The following TAF2 variants were observed in gnomAD, a reference collection of about 807,000 sequenced individuals.
The protein encoded by TAF2 is transcription initiation factor TFIID subunit 2.
Under a neutral mutation model 138.5 loss-of-function variants are expected in TAF2, and 61 were observed. The ratio of observed to expected loss-of-function variants is 0.44; its 90% CI spans 0.36 to 0.54. TAF2 has a LOEUF of 0.54. Ranked by LOEUF, TAF2 falls within the 20% of genes least tolerant of loss-of-function variation. The pLI is 0.00. For synonymous variants in TAF2, 475 were observed against 469.9 expected (o/e 1.01, Z -0.14); for missense variants, 1,090 against 1,427.9 (o/e 0.76, Z 3.81).
At chr8:119,808,096 T>C (rs894257363) in intron 3 of TAF2, among the ~76,000 whole-genome samples, 6 of 152,314 alleles carry the variant, frequency 3.9e-5, no homozygotes, top group Admixed American at 1.3e-4. Flanking sequence ...AGGAAGGATA[T>C]AATATAACTA....
intron 10 of TAF2, among the ~76,000 whole-genome samples, chr8:119,792,193 C>T (rs561545565): frequency 2.8e-5 from 4 of 144,606 alleles, no homozygotes; most frequent in East Asian, 2.0e-4. Context: ...TCGCTCTTAT[C>T]CCCAGGCTGG....
intron 6 of TAF2, among the ~76,000 whole-genome samples, chr8:119,799,240 T>C (rs1411980856): frequency 2.0e-5 from 3 of 152,172 alleles, no homozygotes; most frequent in South Asian, 2.1e-4. Flanking sequence ...ATGTGCCATG[T>C]TGGTGTGCTG....
chr8:119,790,961 T>C (rs1293617588), intron 11 of TAF2, among the ~76,000 whole-genome samples: 1 of 147,366 alleles, frequency 6.8e-6, no homozygotes, highest in South Asian at 2.1e-4. Flanking sequence ...TATGCCTGAC[T>C]TAGTAATAAA....
At chr8:119,827,546 C>A (rs753835994) in intron 2 of TAF2, among the ~76,000 whole-genome samples, 20 of 152,190 alleles carry the variant, frequency 1.3e-4, no homozygotes, top group Non-Finnish European at 1.8e-4. Context: ...TGTACCCTAT[C>A]TTACAGAAGT....
Position 119,793,446 on chromosome 8 carries a change from T to C in TAF2, c.1197A>G (p.Leu399=), listed in dbSNP as rs1470358593. The part of the protein sequence containing the change: ...NEYRHWIKEE[L]DKIVAYELKT... Reference sequence around the variant, plus strand: ...TTAGTTCATATGCCACTATTTTGTCTAGCTCCTAAAAAATATATAAAAATA... The same window carrying C: ...TTAGTTCATATGCCACTATTTTGTCCAGCTCCTAAAAAATATATAAAAATA... The change falls in exon 10 of 26, where the codon CTA becomes CTG. Residue 399 remains leucine (L), a synonymous_variant. Coordinates refer to ENST00000378164, the MANE Select transcript of TAF2 (RefSeq NM_003184.4). 2 of 1,611,306 alleles carry C rather than the reference T, an allele frequency of 1.2e-6. No homozygotes were observed. The highest frequency in any genetic ancestry group is 4.5e-5 in the East Asian group (2 of 44,682).
At chr8:119,813,367 T>C (rs755922591) in intron 3 of TAF2, among the ~76,000 whole-genome samples, 4 of 152,220 alleles carry the variant, frequency 2.6e-5, no homozygotes, top group Non-Finnish European at 4.4e-5. Context: ...AGAATCCTTA[T>C]GGGTGTTAGG....
intron 22 of TAF2, among the ~76,000 whole-genome samples, chr8:119,751,689 G>GA (rs957349799): frequency 2.6e-5 from 4 of 151,774 alleles, no homozygotes; most frequent in African/African-American, 7.2e-5. Context: ...AAGTGCTCAA[G>GA]AAAAAAACAG....
intron 3 of TAF2, among the ~76,000 whole-genome samples, chr8:119,811,805 CAAA>C (rs771523182): frequency 1.7e-5 from 1 of 60,328 alleles, no homozygotes. Flanking sequence ...GACTCCGTCT[CAAA>C]AAAAAAAAAA....
rs1445939189 is a variant in TAF2, at chr8:119,756,199, T to C, written c.2769-84A>G. ...AGGAGACAACATAAACACTGAAAAATTATCTGTAGTTCCTCCTTCCTATTT... is the reference window on the plus strand; with the variant it reads ...AGGAGACAACATAAACACTGAAAAACTATCTGTAGTTCCTCCTTCCTATTT... On this transcript the variant is annotated intron_variant, in intron 21 of 25. Transcript: ENST00000378164. 18 of 864,458 alleles carry C rather than the reference T, an allele frequency of 2.1e-5. No homozygotes were observed. In the East Asian group the frequency reaches 4.6e-4, roughly 22 times the overall value. 53.5% of individuals were successfully genotyped at this position (864,458 alleles called of 1,614,324 possible). A position where few individuals can be genotyped will look rare whatever the true frequency, so the allele number is the denominator to read the frequency against.
intron 12 of TAF2, 112 bp downstream of exon 12, chr8:119,789,479 TA>T: frequency 7.8e-7 from 1 of 1,274,772 alleles, no homozygotes; most frequent in African/African-American, 1.5e-5. Flanking sequence ...TTTAGAAATA[TA>T]AACAGTTCAT....
At chr8:119,814,189 A>T (rs1356390460) in intron 3 of TAF2, among the ~76,000 whole-genome samples, 3 of 152,110 alleles carry the variant, frequency 2.0e-5, no homozygotes, top group African/African-American at 7.2e-5. Context: ...GAAGTATTCA[A>T]GTAGAAGATG....
chr8:119,739,641 C>T (rs957122897), intron 25 of TAF2, among the ~76,000 whole-genome samples: 5 of 151,480 alleles, frequency 3.3e-5, no homozygotes, highest in African/African-American at 7.3e-5. Flanking sequence ...CATCGGGCTC[C>T]TTGGCTCTAA....
At chr8:119,766,117 C>A (rs144967312) in intron 18 of TAF2, among the ~76,000 whole-genome samples, 439 of 152,300 alleles carry the variant, frequency 2.9e-3, no homozygotes, top group Admixed American at 6.1e-3. Flanking sequence ...CAAATAGATT[C>A]ATTTTTACAA....
intron 4 of TAF2, among the ~76,000 whole-genome samples, chr8:119,804,434 C>T (rs1002439981): frequency 1.3e-5 from 2 of 152,178 alleles, no homozygotes; most frequent in African/African-American, 4.8e-5. Context: ...GCCCATAACT[C>T]CCATGTGGTA....
intron 25 of TAF2, 121 bp downstream of exon 25, chr8:119,742,412 GA>G: frequency 7.6e-7 from 1 of 1,309,478 alleles, no homozygotes; most frequent in Non-Finnish European, 1.0e-6. Context: ...TGTATTACAA[GA>G]AAAGCCAAGT....
chr8:119,776,908 C>A (rs1822287300), intron 18 of TAF2, among the ~76,000 whole-genome samples: 2 of 152,126 alleles, frequency 1.3e-5, no homozygotes, highest in Non-Finnish European at 2.9e-5. Flanking sequence ...CTGACCCTCT[C>A]TCTATATATG....
chr8:119,828,889 T>G (rs1001576172), intron 2 of TAF2, among the ~76,000 whole-genome samples: 2 of 152,194 alleles, frequency 1.3e-5, no homozygotes, highest in African/African-American at 4.8e-5. Context: ...AGTCTCTGTC[T>G]CAGCTACTCG....
intron 3 of TAF2, among the ~76,000 whole-genome samples, chr8:119,807,286 T>A (rs1198676386): frequency 6.6e-6 from 1 of 152,196 alleles, no homozygotes; most frequent in Non-Finnish European, 1.5e-5. Context: ...CATAGTTATC[T>A]GACCTTATTT....
In TAF2 at chr8:119,753,960, T is replaced by C. The variant is rs371873306; in HGVS notation, c.2878+2046A>G. Among the ~76,000 whole-genome samples the C allele has an allele frequency of 2.1e-4, 32 of 152,146 alleles. No individual in the cohort carries two copies. In the East Asian group the frequency reaches 6.0e-3, roughly 28 times the overall value. ...ATTCCCTGGGTCTAAATAGCAGAAA[T>C]AATAATATCTTTTAAGGTAGCCAAA... On this transcript the variant is annotated intron_variant, in intron 22 of 25. Transcript: ENST00000378164.
Sources: gnomAD v4.1 joint callset for allele counts (sites outside exome capture counted in the v4.1 genomes callset) on GRCh38, gnomAD v4.1.1 for gene constraint, MANE v1.5 for transcripts, NCBI Gene and HGNC (gene_info 2026-07-23, HGNC 2026-07-21) for gene names.